ACP7: variants seen among roughly 807,000 people sequenced by gnomAD.
The protein encoded by ACP7 is acid phosphatase 7, tartrate resistant (putative), also known as acid phosphatase type 7.
In ACP7, 58 loss-of-function variants were observed where a neutral mutation model predicts 60.6. The ratio of observed to expected loss-of-function variants is 0.96; its 90% CI spans 0.77 to 1.19. ACP7 has a LOEUF of 1.19. Ranked by LOEUF, ACP7 falls within the 50% of genes most tolerant of loss-of-function variation. The pLI, the probability that ACP7 is intolerant of heterozygous loss-of-function variation, is 0.00. For synonymous variants in ACP7, 237 were observed against 232.6 expected, an observed-to-expected ratio of 1.02 and a Z score of -0.17; for missense variants, 574 against 596.2, an observed-to-expected ratio of 0.96 and a Z score of 0.39.
intron 11 of ACP7, among the ~76,000 whole-genome samples, chr19:39,102,610 T>C (rs1282883872): frequency 2.0e-5 from 3 of 151,472 alleles, no homozygotes; most frequent in Non-Finnish European, 4.4e-5. Flanking sequence ...CAGGTTTGCC[T>C]GGCCCAAATG....
chr19:39,091,307 C>T (rs1170803653), intron 2 of ACP7, among the ~76,000 whole-genome samples: 6 of 151,962 alleles, frequency 3.9e-5, no homozygotes, highest in African/African-American at 7.3e-5. Flanking sequence ...GGACTACAGG[C>T]GTGCACCACC....
At chr19:39,109,093 A>T (rs889582319) in intron 12 of ACP7, among the ~76,000 whole-genome samples, 1 of 152,138 alleles carries the variant, frequency 6.6e-6, no homozygotes, top group African/African-American at 2.4e-5. Flanking sequence ...AAGTGCTGGG[A>T]TTACAGGCAT....
At chr19:39,089,358 A>G (rs555187) in intron 2 of ACP7, among the ~76,000 whole-genome samples, 125,333 of 152,094 alleles carry the variant, frequency 0.82, 51,733 homozygotes, top group African/African-American at 0.86. Context: ...GTGAGCCACC[A>G]TGCCCGGCCT....
intron 12 of ACP7, among the ~76,000 whole-genome samples, chr19:39,107,988 T>C (rs1158778117): frequency 1.3e-5 from 2 of 152,042 alleles, no homozygotes; most frequent in Non-Finnish European, 2.9e-5. Context: ...GAGTTAGAGT[T>C]TGCAGTGAGC....
At chr19:39,105,313 C>T (rs1054931524) in intron 11 of ACP7, among the ~76,000 whole-genome samples, 2 of 152,012 alleles carry the variant, frequency 1.3e-5, no homozygotes, top group Non-Finnish European at 2.9e-5. Context: ...CTGTGCCCGG[C>T]GTCTCTTTCA....
chr19:39,084,811 C>T (rs117634303), intron 1 of ACP7, among the ~76,000 whole-genome samples: 3 of 152,044 alleles, frequency 2.0e-5, no homozygotes, highest in Non-Finnish European at 2.9e-5. Flanking sequence ...AGACCCCCAG[C>T]ACTGAGAGTG....
At position 39,085,275 on chromosome 19, in the gene ACP7, C is replaced by A. The variant is rs2073127816; in HGVS notation, c.6C>A (p.His2Gln). ...GCCATCACCACCCCACCACCATGCA[C>A]CCCCTTCCTGGCTACTGGTCCTGTT... M[H>Q]PLPGYWSCYC... Residue 2 changes from histidine to glutamine, a missense_variant, in exon 2 of 13, where the codon CAC (histidine) becomes CAA (glutamine). By Grantham distance (24) the His-to-Gln change is conservative. Transcript: ENST00000331256. 1.9e-6 allele frequency: 3 copies of A among 1,612,526 alleles called. No individual in the cohort carries two copies. Among genetic ancestry groups the A allele is most frequent in the East Asian group, 2.2e-5 (1 of 44,846 alleles).
At chr19:39,101,403 G>A in intron 10 of ACP7, 48 bp downstream of exon 10, 1 of 1,613,832 alleles carries the variant, frequency 6.2e-7, no homozygotes, top group East Asian at 2.2e-5. Flanking sequence ...GGTCAGGGTG[G>A]TCAGAAGGCC....
At chr19:39,085,473 CTG>C in intron 2 of ACP7, 83 bp downstream of exon 2, 3 of 1,492,708 alleles carry the variant, frequency 2.0e-6, no homozygotes, top group Non-Finnish European at 2.7e-6. Context: ...GAATCCCACA[CTG>C]TGAGCCCCTA....
intron 2 of ACP7, among the ~76,000 whole-genome samples, chr19:39,097,682 C>T (rs564225286): frequency 1.3e-5 from 2 of 151,988 alleles, no homozygotes; most frequent in African/African-American, 4.8e-5. Flanking sequence ...GCAGGGTCTA[C>T]AGTCTTGGCC....
At chr19:39,092,617 T>TC (rs1358308313) in intron 2 of ACP7, among the ~76,000 whole-genome samples, 1 of 151,988 alleles carries the variant, frequency 6.6e-6, no homozygotes, top group African/African-American at 2.4e-5. Flanking sequence ...CATATTGGGT[T>TC]CCCCCCACAC....
At chr19:39,098,854 C>A in intron 3 of ACP7, 106 bp from the exon 4 acceptor site, 1 of 1,485,598 alleles carries the variant, frequency 6.7e-7, no homozygotes, top group Non-Finnish European at 9.1e-7. Context: ...GGCCAGCCCC[C>A]ACCAGTCCCC....
intron 11 of ACP7, 118 bp downstream of exon 11, chr19:39,101,655 C>T: frequency 1.7e-6 from 2 of 1,182,234 alleles, no homozygotes; most frequent in South Asian, 1.4e-5. Flanking sequence ...AACCCTCAGC[C>T]CTAAGGTCGG....
chr19:39,109,598 G>A (rs1008107134), intron 12 of ACP7, among the ~76,000 whole-genome samples: 13 of 150,756 alleles, frequency 8.6e-5, no homozygotes, highest in Non-Finnish European at 1.3e-4. Flanking sequence ...CCAGCTACTT[G>A]GGAGGCTGGG....
At chr19:39,100,911 CT>C in intron 7 of ACP7, 37 bp from the exon 8 acceptor site, 1 of 1,610,818 alleles carries the variant, frequency 6.2e-7, no homozygotes, top group Non-Finnish European at 8.5e-7. Context: ...CCCTCCACCC[CT>C]GACTCCTAGC....
chr19:39,106,522 CTTTTTG>C (rs1400711584), intron 11 of ACP7, among the ~76,000 whole-genome samples: 3 of 152,156 alleles, frequency 2.0e-5, no homozygotes, highest in African/African-American at 7.2e-5. Context: ...GTGGCCAAGT[CTTTTTG>C]TTTTTGTTTT....
rs781360505 is a variant in ACP7 at position 39,106,559 on chromosome 19, C to T, written c.1114-388C>T. On this transcript the variant is annotated intron_variant, in intron 11 of 12. Coordinates refer to ENST00000331256, the MANE Select transcript of ACP7 (RefSeq NM_001004318.3). ...GTTTTTGTTTGAGACAGTGTCACTC[C>T]GTCTCCCAGGCTGGAATGCAGTGGC... Among the ~76,000 whole-genome samples, 3 of 152,226 alleles carry T rather than the reference C, an allele frequency of 2.0e-5. No homozygotes were observed. The East Asian group carries it at 5.8e-4, about 29-fold the overall frequency.
intron 2 of ACP7, among the ~76,000 whole-genome samples, chr19:39,087,632 GTTTTT>G (rs58068960): frequency 7.6e-6 from 1 of 131,532 alleles, no homozygotes; most frequent in Non-Finnish European, 1.6e-5. Flanking sequence ...AGCTAATTTT[GTTTTT>G]TTTTTTTTTT....
At position 39,085,305 on chromosome 19, in the gene ACP7, T is replaced by C; in HGVS notation, c.36T>C (p.Cys12=). Residue 12 remains cysteine, a synonymous_variant, in exon 2 of 13, where the codon TGT becomes TGC. Transcript: ENST00000331256. ...HPLPGYWSCY[C]LLLLFSLGVQ... is the part of the protein sequence containing the mutation. ...TTCCTGGCTACTGGTCCTGTTACTG[T>C]CTACTCCTGCTATTCTCCTTGGGAG... The C allele has an allele frequency of 6.2e-7, 1 of 1,613,754 alleles. No individual in the cohort carries two copies.
Sources: allele counts gnomAD v4.1 joint callset (sites outside exome capture counted in the v4.1 genomes callset), GRCh38; gene constraint gnomAD v4.1.1; transcripts MANE v1.5; gene names NCBI Gene and HGNC (gene_info 2026-07-23, HGNC 2026-07-21).